Variants in ZC3H13 observed in about 807,000 individuals in gnomAD.
The protein encoded by ZC3H13 is zinc finger CCCH-type containing 13, also known as zinc finger CCCH domain-containing protein 13.
A neutral mutation model predicts 204.1 loss-of-function variants in ZC3H13; 64 were observed. The ratio of observed to expected loss-of-function variants is 0.31; its 90% CI spans 0.26 to 0.39. The LOEUF (loss-of-function observed/expected upper bound fraction) is 0.39, where lower values mean the gene tolerates loss of function less well. ZC3H13 is among the 10% of genes least tolerant of loss of function. The pLI, the probability that ZC3H13 is intolerant of heterozygous loss-of-function variation, is 1.00. For missense variants in ZC3H13, 1,833 were observed against 2,082.7 expected (o/e 0.88, Z 2.33); for synonymous variants, 667 against 693.7 (o/e 0.96, Z 0.60).
chr13:46,051,190 T>A (rs1473293995), intron 1 of ZC3H13, among the ~76,000 whole-genome samples: 1 of 152,240 alleles, frequency 6.6e-6, no homozygotes, highest in Non-Finnish European at 1.5e-5. Flanking sequence ...TTTAGTATGT[T>A]AAATTCATAT....
intron 8 of ZC3H13, among the ~76,000 whole-genome samples, chr13:45,989,392 T>C (rs535632734): frequency 6.6e-6 from 1 of 152,198 alleles, no homozygotes; most frequent in African/African-American, 2.4e-5. Flanking sequence ...ACTTAAAGTA[T>C]GGAATTCACT....
At chr13:46,015,731 T>C (rs1039950560) in intron 5 of ZC3H13, among the ~76,000 whole-genome samples, 3 of 152,104 alleles carry the variant, frequency 2.0e-5, no homozygotes, top group African/African-American at 4.8e-5. Flanking sequence ...AAAAGTTTTA[T>C]AGGCGTAGTT....
intron 8 of ZC3H13, among the ~76,000 whole-genome samples, chr13:46,001,691 C>T (rs1236339323): frequency 2.0e-5 from 3 of 152,142 alleles, no homozygotes; most frequent in Non-Finnish European, 4.4e-5. Context: ...CTCTCAGAGA[C>T]TTCTTAGTCA....
At chr13:45,989,826 T>C (rs1360677099) in intron 8 of ZC3H13, among the ~76,000 whole-genome samples, 1 of 152,026 alleles carries the variant, frequency 6.6e-6, no homozygotes, top group Non-Finnish European at 1.5e-5. Context: ...ACTCCTAGAG[T>C]CTATTATACC....
intron 8 of ZC3H13, among the ~76,000 whole-genome samples, chr13:45,993,435 T>C (rs1002274873): frequency 6.6e-6 from 1 of 152,116 alleles, no homozygotes; most frequent in South Asian, 2.1e-4. Context: ...TTAGGATCAA[T>C]AAGCACAAAG....
At position 46,010,482 on chromosome 13, in the gene ZC3H13, T is replaced by C. The variant is rs746343167; in HGVS notation, c.612A>G (p.Ser204=). ...KKEVSPEVVR[S]KLSPSPSLRK... is the part of the protein sequence containing the mutation. The stretch of plus-strand genomic sequence containing the variant: ...TTAGAGAAGGTGACGGGGACAATTT[T>C]GATCTAACCACTTCTGGTGAAACCT... Residue 204 remains serine, a synonymous_variant, in exon 7 of 19, where the codon TCA becomes TCG. Transcript: ENST00000679008. The C allele has an allele frequency of 6.2e-7, 1 of 1,613,292 alleles. No homozygotes were observed. Among genetic ancestry groups the C allele is most frequent in the Non-Finnish European group, 8.5e-7 (1 of 1,179,376 alleles).
rs779493187 is a variant in ZC3H13 at position 46,042,189 on chromosome 13, G to C, written c.314C>G (p.Thr105Arg). The C allele has an allele frequency of 6.2e-7, 1 of 1,613,200 alleles. No homozygotes were observed. The highest frequency in any genetic ancestry group is 2.2e-5 in the East Asian group (1 of 44,864). Residue 105 changes from threonine to arginine, a missense_variant, in exon 4 of 19, where the codon ACA becomes AGA. By Grantham distance (71) the Thr-to-Arg change is moderately conservative. Coordinates refer to ENST00000679008, the MANE Select transcript of ZC3H13 (RefSeq NM_001330564.2). ...DVDTEPQKRN[T>R]EESSSPVRKE... is the part of the protein sequence containing the mutation. ...CCTAACAGGTGAGGATGACTCCTCTGTATTTCGTTTCTGGGGCTCAGTGTC... is the reference window on the plus strand; with the variant it reads ...CCTAACAGGTGAGGATGACTCCTCTCTATTTCGTTTCTGGGGCTCAGTGTC...
At chr13:46,018,301 A>G (rs1036641435) in intron 5 of ZC3H13, among the ~76,000 whole-genome samples, 3 of 152,154 alleles carry the variant, frequency 2.0e-5, no homozygotes, top group African/African-American at 7.2e-5. Flanking sequence ...AGACTGAATA[A>G]TAAGTATCAG....
chr13:45,969,265 G>C lies in ZC3H13; in HGVS notation c.3279C>G (p.Thr1093=). The part of the protein sequence containing the change: ...HTATATTPGS[T]PSPLSSLLPP... The stretch of plus-strand genomic sequence containing the variant: ...GAAGAAGAGAAGATAGAGGAGAAGG[G>C]GTACTACCAGGAGTCGTGGCGGTGG... The change falls in exon 14 of 19, where the codon ACC becomes ACG. Residue 1093 remains threonine (T), a synonymous_variant. Coordinates refer to ENST00000679008, the MANE Select transcript of ZC3H13 (RefSeq NM_001330564.2). 6.2e-7 allele frequency: 1 copy of C among 1,613,876 alleles called. No homozygotes were observed.
At chr13:46,008,683 G>A (rs955600959) in intron 7 of ZC3H13, among the ~76,000 whole-genome samples, 3 of 152,100 alleles carry the variant, frequency 2.0e-5, no homozygotes, top group Non-Finnish European at 2.9e-5. Flanking sequence ...AGTTTATTGG[G>A]GAAATGAATA....
At chr13:45,958,694 C>T (rs967957148) in intron 18 of ZC3H13, among the ~76,000 whole-genome samples, 5 of 134,922 alleles carry the variant, frequency 3.7e-5, no homozygotes, top group South Asian at 2.5e-4. Context: ...CTTGCTTTGT[C>T]GCCCAGGCTG....
chr13:45,991,074 T>G lies in ZC3H13; in HGVS notation c.945-1977A>C, dbSNP rs2039938180. Among the ~76,000 whole-genome samples the G allele has an allele frequency of 2.6e-5, 4 of 152,212 alleles. No homozygotes were observed. The South Asian group carries it at 8.3e-4, about 31-fold the overall frequency. On this transcript the variant is annotated intron_variant, in intron 8 of 18. Coordinates refer to ENST00000679008, the MANE Select transcript of ZC3H13 (RefSeq NM_001330564.2). ...GCCTCAGCCTCCTAAAGTGCTGGGATTATAGGCATGAGCCACCATGCTTGA... is the reference window on the plus strand; with the variant it reads ...GCCTCAGCCTCCTAAAGTGCTGGGAGTATAGGCATGAGCCACCATGCTTGA...
chr13:45,970,667 T>A (rs979653971), intron 12 of ZC3H13, among the ~76,000 whole-genome samples: 2 of 152,332 alleles, frequency 1.3e-5, no homozygotes, highest in South Asian at 4.1e-4. Context: ...GAACTTAAAA[T>A]ACACAACATT....
intron 7 of ZC3H13, among the ~76,000 whole-genome samples, chr13:46,004,426 G>C (rs1490158828): frequency 6.6e-6 from 1 of 152,098 alleles, no homozygotes; most frequent in African/African-American, 2.4e-5. Context: ...TGTAATCCCA[G>C]CTACTCCAGA....
intron 4 of ZC3H13, among the ~76,000 whole-genome samples, chr13:46,027,828 A>G (rs1566319177): frequency 6.6e-6 from 1 of 152,240 alleles, no homozygotes; most frequent in Non-Finnish European, 1.5e-5. Flanking sequence ...ATGCTAAAAA[A>G]GAATGAACAA....
chr13:46,028,478 T>C (rs1340399930), intron 4 of ZC3H13, among the ~76,000 whole-genome samples: 1 of 152,212 alleles, frequency 6.6e-6, no homozygotes, highest in African/African-American at 2.4e-5. Flanking sequence ...TAATTGATTA[T>C]AGATGGCTTT....
Position 45,975,548 on chromosome 13 carries a change from G to T in ZC3H13, c.2203C>A (p.Arg735=). The change falls in exon 12 of 19, where the codon CGA becomes AGA. Residue 735 remains arginine, a synonymous_variant. Transcript: ENST00000679008. Reference sequence around the variant, plus strand: ...CGTTCCCTCTCTCTTTCCCGCTCTCGATCGTGGTCTCGGTCTCTATCCCTT... The same window carrying T: ...CGTTCCCTCTCTCTTTCCCGCTCTCTATCGTGGTCTCGGTCTCTATCCCTT... ...RERDRDRDHD[R]ERERERERDR... is the part of the protein sequence containing the mutation. 1 of 1,587,512 alleles carries T rather than the reference G, an allele frequency of 6.3e-7. No homozygotes were observed.
intron 9 of ZC3H13, among the ~76,000 whole-genome samples, chr13:45,988,142 CCTT>C (rs751207615): frequency 4.9e-4 from 74 of 152,288 alleles, no homozygotes; most frequent in Non-Finnish European, 7.3e-4. Context: ...CCCTTCACCT[CCTT>C]GTTTTCAAAA....
At chr13:45,968,184 C>T (rs926246328) in intron 14 of ZC3H13, among the ~76,000 whole-genome samples, 156 bp from the exon 15 acceptor site, 6 of 151,686 alleles carry the variant, frequency 4.0e-5, no homozygotes, top group African/African-American at 1.5e-4. Flanking sequence ...CTATATATTT[C>T]TATATTCTAC....
Sources: gnomAD v4.1 joint callset for allele counts (sites outside exome capture counted in the v4.1 genomes callset) on GRCh38, gnomAD v4.1.1 for gene constraint, MANE v1.5 for transcripts, NCBI Gene and HGNC (gene_info 2026-07-23, HGNC 2026-07-21) for gene names.